The following BTD variants were observed in gnomAD, a reference collection of about 807,000 sequenced individuals.
BTD encodes biotinidase.
In BTD, 13 loss-of-function variants were observed where a neutral mutation model predicts 17.7. The observed-to-expected ratio is 0.74, with a 90% CI of 0.48 to 1.17. The LOEUF is 1.17. Among genes scored for constraint, BTD ranks in the 50% most tolerant of loss-of-function variants. The pLI, the probability that BTD is intolerant of heterozygous loss-of-function variation, is 0.00. For missense variants in BTD, 674 were observed against 650.4 expected (o/e 1.04, Z -0.39); for synonymous variants, 240 against 245.2 (o/e 0.98, Z 0.20).
At chr3:15,671,578 G>GTTTTTTTTTTTTTT (rs869032190) in intron 3 of BTD, among the ~76,000 whole-genome samples, 1 of 141,326 alleles carries the variant, frequency 7.1e-6, no homozygotes, top group African/African-American at 2.7e-5. Flanking sequence ...AAACACTATA[G>GTTTTTTTTTTTTTT]TTTTTTTTTT....
intron 1 of BTD, among the ~76,000 whole-genome samples, chr3:15,620,648 A>G (rs1200211137): frequency 6.6e-6 from 1 of 152,232 alleles, no homozygotes; most frequent in Non-Finnish European, 1.5e-5. Context: ...TACGAAGATA[A>G]CAGGATTAAG....
At chr3:15,607,772 A>G (rs1170069011) in intron 1 of BTD, among the ~76,000 whole-genome samples, 1 of 152,254 alleles carries the variant, frequency 6.6e-6, no homozygotes, top group East Asian at 1.9e-4. Context: ...TCTTAAAAAT[A>G]AAAAGGCGGA....
intron 1 of BTD, among the ~76,000 whole-genome samples, chr3:15,609,011 G>C (rs1258673068): frequency 1.3e-5 from 2 of 152,112 alleles, no homozygotes; most frequent in Non-Finnish European, 2.9e-5. Flanking sequence ...GCAAAACAAA[G>C]ATTTATCTCT....
chr3:15,706,432 T>C (rs2071412254), intron 3 of BTD, among the ~76,000 whole-genome samples: 1 of 152,188 alleles, frequency 6.6e-6, no homozygotes, highest in African/African-American at 2.4e-5. Context: ...TCCTTTTTTA[T>C]GGCTGCATAG....
intron 1 of BTD, among the ~76,000 whole-genome samples, chr3:15,627,793 C>G (rs1181257620): frequency 6.6e-6 from 1 of 152,248 alleles, no homozygotes; most frequent in Non-Finnish European, 1.5e-5. Flanking sequence ...ACGATCTCGG[C>G]TCACTGCAAT....
chr3:15,617,728 T>C (rs2064834330), intron 1 of BTD, among the ~76,000 whole-genome samples: 3 of 152,166 alleles, frequency 2.0e-5, no homozygotes, highest in Admixed American at 2.0e-4. Flanking sequence ...ATTTGTAAAA[T>C]AAATAAATAA....
At chr3:15,712,314 G>C in exon 4 of BTD, 1 of 1,057,950 alleles carries the variant, frequency 9.5e-7, no homozygotes, top group East Asian at 2.6e-5. Flanking sequence ...TTAAGTGAAA[G>C]ATAACTAAGA....
chr3:15,603,955 A>G (rs1368342276), intron 1 of BTD, among the ~76,000 whole-genome samples: 2 of 152,222 alleles, frequency 1.3e-5, no homozygotes, highest in African/African-American at 4.8e-5. Context: ...TTTACAGGCT[A>G]CAACCCCCTC....
At chr3:15,611,377 T>A (rs1339688273) in intron 1 of BTD, among the ~76,000 whole-genome samples, 1 of 152,168 alleles carries the variant, frequency 6.6e-6, no homozygotes, top group Non-Finnish European at 1.5e-5. Context: ...AGAGGGATCC[T>A]GGGTCCTACA....
intron 3 of BTD, chr3:15,685,556 T>G (rs2125762047): frequency 1.1e-6 from 1 of 912,278 alleles, no homozygotes; most frequent in Non-Finnish European, 1.7e-6. Flanking sequence ...TTCCATCAAT[T>G]AAAGCCATTT....
upstream of BTD, chr3:15,601,484 G>C (rs1310176037): frequency 6.2e-7 from 1 of 1,611,596 alleles, no homozygotes; most frequent in Non-Finnish European, 8.5e-7. Context: ...AAAGCTCTAA[G>C]CACTCACGCA....
chr3:15,716,605 A>G (rs1042774506), downstream of BTD, among the ~76,000 whole-genome samples: 3 of 152,110 alleles, frequency 2.0e-5, no homozygotes, highest in African/African-American at 4.8e-5. Flanking sequence ...ATTTTTACAG[A>G]CATAAGGAAA....
chr3:15,677,451 G>A, intron 3 of BTD: 1 of 1,530,674 alleles, frequency 6.5e-7, no homozygotes. Context: ...TATTAACAAT[G>A]GAAACATATT....
chr3:15,617,821 T>C (rs1373147786), intron 1 of BTD, among the ~76,000 whole-genome samples: 2 of 152,246 alleles, frequency 1.3e-5, no homozygotes, highest in African/African-American at 2.4e-5. Context: ...CTTTGGCCAA[T>C]TGATAAAATA....
chr3:15,605,602 GATATA>G (rs1049977366), intron 1 of BTD, among the ~76,000 whole-genome samples: 4 of 152,066 alleles, frequency 2.6e-5, no homozygotes, highest in African/African-American at 9.7e-5. Flanking sequence ...CATTTATTGA[GATATA>G]ATAAAGATAC....
Position 15,652,573 on chromosome 3 carries a change from C to T in BTD, c.*7085C>T, listed in dbSNP as rs1437149978. 1.3e-5 allele frequency among the ~76,000 whole-genome samples: 2 copies of T among 152,184 alleles called. No individual in the cohort carries two copies. The highest frequency in any genetic ancestry group is 2.9e-5 in the Non-Finnish European group (2 of 68,034). On this transcript the variant is annotated 3_prime_UTR_variant, in exon 4 of 4. Transcript: ENST00000643237. Reference sequence around the variant, plus strand: ...CCTCATGAGAGACCCTGAGCCGGAACCACCCCACAAAGTCACTCTTGATTT... The same window carrying T: ...CCTCATGAGAGACCCTGAGCCGGAATCACCCCACAAAGTCACTCTTGATTT...
At chr3:15,710,912 T>C (rs570081819) in exon 4 of BTD, among the ~76,000 whole-genome samples, 3 of 152,322 alleles carry the variant, frequency 2.0e-5, no homozygotes, top group Admixed American at 1.3e-4. Context: ...ATGTTCTCAT[T>C]TGAGAACATA....
In BTD at chr3:15,645,631, T is replaced by A; in HGVS notation, c.*143T>A. ...GCACCAGATTCCACCCTGGGAACTG[T>A]GGAAAAAGTAGGAGAGGCAGATTCC... On this transcript the variant is annotated 3_prime_UTR_variant, in exon 4 of 4. Coordinates refer to ENST00000643237, the MANE Select transcript of BTD (RefSeq NM_001370658.1). The A allele has an allele frequency of 1.1e-6, 1 of 924,882 alleles. No homozygotes were observed. The highest frequency in any genetic ancestry group is 1.6e-6 in the Non-Finnish European group (1 of 624,390). The allele number at this position is 924,882 out of a possible 1,614,324, so 57.3% of individuals were successfully genotyped here. A position where few individuals can be genotyped will look rare whatever the true frequency, so the allele number is the denominator to read the frequency against.
chr3:15,715,045 AAAAT>A (rs1002628507), downstream of BTD, among the ~76,000 whole-genome samples: 1 of 152,132 alleles, frequency 6.6e-6, no homozygotes, highest in Non-Finnish European at 1.5e-5. Flanking sequence ...TACATTTAAA[AAAAT>A]AAATACAAAT....
Sources: gnomAD v4.1 joint callset for allele counts (sites outside exome capture counted in the v4.1 genomes callset) on GRCh38, gnomAD v4.1.1 for gene constraint, MANE v1.5 for transcripts, NCBI Gene and HGNC (gene_info 2026-07-23, HGNC 2026-07-21) for gene names.